Variants in LHFPL3 observed in about 807,000 individuals in gnomAD.
LHFPL3 encodes LHFPL tetraspan subfamily member 3, also known as LHFPL tetraspan subfamily member 3 protein.
In LHFPL3, 5 loss-of-function variants were observed where a neutral mutation model predicts 19.3. The ratio of observed to expected loss-of-function variants is 0.26; its 90% CI spans 0.14 to 0.54. LHFPL3 has a LOEUF of 0.54. Among genes scored for constraint, LHFPL3 ranks in the 20% least tolerant of loss-of-function variants. The pLI, the probability that LHFPL3 is intolerant of heterozygous loss-of-function variation, is 0.94. For missense variants in LHFPL3, 249 were observed against 307.4 expected (o/e 0.81, Z 1.42); for synonymous variants, 133 against 126.2 (o/e 1.05, Z -0.36).
intron 1 of LHFPL3, among the ~76,000 whole-genome samples, chr7:104,445,550 TTG>T: frequency 6.6e-6 from 1 of 152,168 alleles, no homozygotes. Context: ...TCTCACAGAC[TTG>T]AGAAATGGTG....
intron 2 of LHFPL3, among the ~76,000 whole-genome samples, chr7:104,802,017 A>C (rs1453249437): frequency 1.3e-5 from 2 of 152,306 alleles, no homozygotes; most frequent in East Asian, 3.9e-4. Flanking sequence ...ACTATTGCAC[A>C]AAAGCATCAC....
chr7:104,810,694 G>A (rs545496386), intron 2 of LHFPL3, among the ~76,000 whole-genome samples: 3 of 152,136 alleles, frequency 2.0e-5, no homozygotes, highest in Non-Finnish European at 4.4e-5. Flanking sequence ...AGTGCTATTG[G>A]GACAACATAG....
chr7:104,543,337 A>G (rs1046658597), intron 1 of LHFPL3, among the ~76,000 whole-genome samples: 1 of 152,088 alleles, frequency 6.6e-6, no homozygotes, highest in Non-Finnish European at 1.5e-5. Flanking sequence ...TAGTTCAACC[A>G]TTGTGGAAGT....
rs188249680 is a variant in LHFPL3 at position 104,771,019 on chromosome 7, T to C, written c.682+34108T>C. On this transcript the variant is annotated intron_variant, in intron 2 of 2. Transcript: ENST00000424859. ...CAGCACATGGTTGGAGCTCAACATA[T>C]ATTTATGGATGAAAGAAACTTTGTT... Among the ~76,000 whole-genome samples, 337 of 152,240 alleles carry C rather than the reference T, an allele frequency of 2.2e-3. 3 individuals are homozygous for C. The highest frequency in any genetic ancestry group is 7.5e-3 in the African/African-American group (310 of 41,548).
intron 1 of LHFPL3, among the ~76,000 whole-genome samples, chr7:104,703,527 G>T (rs977379967): frequency 3.9e-5 from 6 of 152,050 alleles, no homozygotes; most frequent in African/African-American, 1.4e-4. Flanking sequence ...AAATGCTTTT[G>T]ACTTTGAATT....
At chr7:104,624,897 C>A (rs547948302) in intron 1 of LHFPL3, among the ~76,000 whole-genome samples, 2 of 152,278 alleles carry the variant, frequency 1.3e-5, no homozygotes, top group South Asian at 4.2e-4. Flanking sequence ...GAGAATAAAT[C>A]TGAGTCCAGG....
chr7:104,669,709 A>G, intron 1 of LHFPL3: 1 of 1,060,938 alleles, frequency 9.4e-7, no homozygotes, highest in Non-Finnish European at 1.3e-6. Context: ...TTTTTTTTAA[A>G]ACAAAAAATG....
chr7:104,541,149 A>ACAC (rs1210675502), intron 1 of LHFPL3, among the ~76,000 whole-genome samples: 1 of 78,592 alleles, frequency 1.3e-5, no homozygotes, highest in Non-Finnish European at 3.2e-5. Flanking sequence ...CACACACACA[A>ACAC]CCCTGTGGCT....
intron 1 of LHFPL3, among the ~76,000 whole-genome samples, chr7:104,551,833 A>G (rs1361251571): frequency 6.6e-6 from 1 of 152,168 alleles, no homozygotes; most frequent in Non-Finnish European, 1.5e-5. Context: ...AGGGAAAGAC[A>G]CCATTTGAAG....
At chr7:104,724,925 TAGAC>T (rs1793563478) in intron 1 of LHFPL3, among the ~76,000 whole-genome samples, 1 of 152,222 alleles carries the variant, frequency 6.6e-6, no homozygotes, top group African/African-American at 2.4e-5. Flanking sequence ...CTGACCTTGT[TAGAC>T]AGGTTTTAAG....
intron 1 of LHFPL3, among the ~76,000 whole-genome samples, chr7:104,696,136 G>C (rs1792992404): frequency 6.6e-6 from 1 of 152,062 alleles, no homozygotes; most frequent in Admixed American, 6.5e-5. Context: ...TTTTTTAGTA[G>C]AGACAGGGTT....
intron 1 of LHFPL3, among the ~76,000 whole-genome samples, chr7:104,503,289 AAC>A (rs898407876): frequency 3.3e-5 from 5 of 152,248 alleles, no homozygotes; most frequent in South Asian, 2.1e-4. Context: ...AAAAGAAGCA[AAC>A]ACACGCACAC....
Position 104,520,408 on chromosome 7 carries a change from C to CT in LHFPL3, c.445+191191dup, listed in dbSNP as rs1459757916. ...ATCAAGGATATTGGTCTAAAATTCTCTTTTTTTGTTGTGTCTCTGCCCAGC... is the reference window on the plus strand; with the variant it reads ...ATCAAGGATATTGGTCTAAAATTCTCTTTTTTTTGTTGTGTCTCTGCCCAGC... On this transcript the variant is annotated intron_variant, in intron 1 of 2. Coordinates refer to ENST00000424859, the MANE Select transcript of LHFPL3 (RefSeq NM_199000.3). Among the ~76,000 whole-genome samples the CT allele has an allele frequency of 2.0e-5, 3 of 146,750 alleles. No individual in the cohort carries two copies. In the East Asian group the frequency reaches 5.9e-4, roughly 29 times the overall value.
chr7:104,875,856 A>G (rs1410884399), intron 2 of LHFPL3, among the ~76,000 whole-genome samples: 4 of 152,186 alleles, frequency 2.6e-5, no homozygotes, highest in Non-Finnish European at 5.9e-5. Context: ...ACGTTTGCCA[A>G]ATTTTTCCCT....
At chr7:104,774,469 G>A (rs1451365100) in intron 2 of LHFPL3, among the ~76,000 whole-genome samples, 1 of 152,068 alleles carries the variant, frequency 6.6e-6, no homozygotes, top group African/African-American at 2.4e-5. Context: ...TCAGAATTTG[G>A]CCCCAGGCAG....
chr7:104,724,577 A>G (rs910380328), intron 1 of LHFPL3, among the ~76,000 whole-genome samples: 7 of 152,210 alleles, frequency 4.6e-5, no homozygotes, highest in African/African-American at 1.2e-4. Flanking sequence ...GGACACATAC[A>G]GTGGAACGAC....
intron 1 of LHFPL3, among the ~76,000 whole-genome samples, chr7:104,678,619 T>C (rs1172701884): frequency 1.3e-5 from 2 of 152,222 alleles, no homozygotes; most frequent in African/African-American, 4.8e-5. Context: ...TTATTAATTT[T>C]ATAGCACTTA....
chr7:104,451,416 TGG>T (rs1350500977), intron 1 of LHFPL3, among the ~76,000 whole-genome samples: 1 of 152,178 alleles, frequency 6.6e-6, no homozygotes, highest in Non-Finnish European at 1.5e-5. Flanking sequence ...ACTGTGATAT[TGG>T]GGAAGGAGGA....
chr7:104,794,466 A>G (rs1790079666), intron 2 of LHFPL3, among the ~76,000 whole-genome samples: 1 of 152,224 alleles, frequency 6.6e-6, no homozygotes, highest in African/African-American at 2.4e-5. Context: ...GTTGATAGCA[A>G]AGAAGTAGAA....
Sources: allele counts gnomAD v4.1 joint callset (sites outside exome capture counted in the v4.1 genomes callset), GRCh38; gene constraint gnomAD v4.1.1; transcripts MANE v1.5; gene names NCBI Gene and HGNC (gene_info 2026-07-23, HGNC 2026-07-21).